The following PTPN20 variants were observed in gnomAD, a reference collection of about 807,000 sequenced individuals.
PTPN20 encodes the protein protein tyrosine phosphatase non-receptor type 20, also known as tyrosine-protein phosphatase non-receptor type 20.
PTPN20 carries 9 observed loss-of-function variants against 35.0 expected under a neutral mutation model. The observed-to-expected ratio is 0.26, with a 90% CI of 0.15 to 0.45. The LOEUF (loss-of-function observed/expected upper bound fraction) is 0.45, where lower values mean the gene tolerates loss of function less well. Among genes scored for constraint, PTPN20 ranks in the 20% least tolerant of loss-of-function variants. The probability of loss-of-function intolerance (pLI) is 1.00; values close to 1 mark genes in which losing one functional copy is unlikely to be tolerated. For missense variants in PTPN20, 111 were observed against 312.5 expected, an observed-to-expected ratio of 0.36 and a Z score of 4.86; for synonymous variants, 32 against 100.2, an observed-to-expected ratio of 0.32 and a Z score of 4.06.
At chr10:46,958,684 TC>T (rs1375245922) in intron 5 of PTPN20, among the ~76,000 whole-genome samples, 11,420 of 119,676 alleles carry the variant, frequency 0.095, 162 homozygotes, top group African/African-American at 0.24. Context: ...GCTATAAATT[TC>T]CCCCTTAACC....
intron 1 of PTPN20, among the ~76,000 whole-genome samples, chr10:46,928,308 T>G (rs1192362229): frequency 2.0e-5 from 3 of 152,036 alleles, no homozygotes; most frequent in African/African-American, 7.3e-5. Flanking sequence ...TAAACTTGCA[T>G]TAATAACTTG....
intron 9 of PTPN20, among the ~76,000 whole-genome samples, chr10:46,996,013 G>T (rs1424707247): frequency 6.6e-6 from 1 of 152,042 alleles, no homozygotes; most frequent in African/African-American, 2.4e-5. Flanking sequence ...AAGCCAGCTT[G>T]CTTCTACACT....
intron 5 of PTPN20, among the ~76,000 whole-genome samples, chr10:46,953,104 AT>A (rs1220464857): frequency 1.4e-5 from 2 of 143,238 alleles, no homozygotes; most frequent in African/African-American, 5.7e-5. Context: ...TTTTGGTGCT[AT>A]TGTAAATGAG....
intron 10 of PTPN20, among the ~76,000 whole-genome samples, chr10:47,000,267 A>G (rs2059880294): frequency 6.6e-6 from 1 of 152,196 alleles, no homozygotes; most frequent in Non-Finnish European, 1.5e-5. Context: ...GTGCTATTTA[A>G]GTAACATCTA....
intron 1 of PTPN20, among the ~76,000 whole-genome samples, chr10:46,923,317 G>C (rs2036004350): frequency 6.9e-6 from 1 of 145,752 alleles, no homozygotes; most frequent in Non-Finnish European, 1.5e-5. Context: ...CCAGTTTGTG[G>C]TACCATGTTA....
At position 47,000,758 on chromosome 10, in the gene PTPN20, C is replaced by T. The variant is rs2059951336; in HGVS notation, c.*17C>T. 3.1e-6 allele frequency: 5 copies of T among 1,613,416 alleles called. No homozygotes were observed. Among genetic ancestry groups the T allele is most frequent in the Non-Finnish European group, 4.2e-6 (5 of 1,179,482 alleles). Reference sequence around the variant, plus strand: ...TTGGATTAAGAAAGACTTCTGTTGCCTCTCACTTGAAATTACCAAGTGGGT... The same window carrying T: ...TTGGATTAAGAAAGACTTCTGTTGCTTCTCACTTGAAATTACCAAGTGGGT... On this transcript the variant is annotated 3_prime_UTR_variant, in exon 11 of 11. Transcript: ENST00000374339.
chr10:46,998,224 C>T lies in PTPN20; in HGVS notation c.1135-1688C>T, dbSNP rs987972200. On this transcript the variant is annotated intron_variant, in intron 9 of 10. Transcript: ENST00000374339. ...ACAGTAGCCAAAAACCAGAACAACC[C>T]AGATGTCCTTCAACAAATTGATGGT... is the stretch of plus-strand genomic sequence containing the variant. Among the ~76,000 whole-genome samples, 97 of 152,206 alleles carry T rather than the reference C, an allele frequency of 6.4e-4. 1 individual carries two copies. The highest frequency in any genetic ancestry group is 3.4e-3 in the Middle Eastern group (1 of 294).
At chr10:46,932,094 T>TTA in intron 1 of PTPN20, among the ~76,000 whole-genome samples, 1 of 143,168 alleles carries the variant, frequency 7.0e-6, no homozygotes, top group Non-Finnish European at 1.5e-5. Flanking sequence ...GTGTGTGTGT[T>TTA]TATATAAAGA....
chr10:46,993,949 T>G (rs1345453234), intron 9 of PTPN20, among the ~76,000 whole-genome samples: 2 of 152,200 alleles, frequency 1.3e-5, no homozygotes, highest in Non-Finnish European at 2.9e-5. Context: ...TTTATTTTCC[T>G]TCTGAAGAAC....
intron 7 of PTPN20, among the ~76,000 whole-genome samples, chr10:46,975,897 G>A (rs1201217283): frequency 2.0e-5 from 3 of 151,364 alleles, no homozygotes; most frequent in East Asian, 3.9e-4. Flanking sequence ...CTGACCTCAG[G>A]TGATCCACCC....
chr10:46,932,062 T>TTGTGTGTGTG (rs71023200), intron 1 of PTPN20, among the ~76,000 whole-genome samples: 7 of 133,712 alleles, frequency 5.2e-5, no homozygotes, highest in African/African-American at 1.9e-4. Context: ...TTGATTGAAT[T>TTGTGTGTGTG]TGTGTGTGTG....
rs2059801377 is a variant in PTPN20, at chr10:46,999,897, G to C, written c.1135-15G>C. 2 of 1,613,364 alleles carry C rather than the reference G, an allele frequency of 1.2e-6. No individual in the cohort carries two copies. Among genetic ancestry groups the C allele is most frequent in the South Asian group, 2.2e-5 (2 of 91,024 alleles). On this transcript the variant is annotated splice_polypyrimidine_tract_variant and intron_variant, in intron 9 of 10. Transcript: ENST00000374339. ...CCCATGTGGATCATACAAAATTACT[G>C]TCATCTTATTACAGTTCAACATCAT...
At chr10:46,937,669 T>G (rs2042089571) in intron 2 of PTPN20, among the ~76,000 whole-genome samples, 1 of 151,778 alleles carries the variant, frequency 6.6e-6, no homozygotes, top group Non-Finnish European at 1.5e-5. Context: ...CAGTAGGTCT[T>G]ATTTTTACAT....
intron 9 of PTPN20, among the ~76,000 whole-genome samples, chr10:46,988,375 C>G (rs2137019496): frequency 7.0e-6 from 1 of 142,832 alleles, no homozygotes; most frequent in East Asian, 2.6e-4. Context: ...TTTGTCATTT[C>G]TTTGTGTTGT....
Position 47,000,990 on chromosome 10 carries a change from T to C in PTPN20, c.*249T>C. 3 of 560,936 alleles carry C rather than the reference T, an allele frequency of 5.3e-6. No individual in the cohort carries two copies. Among genetic ancestry groups the C allele is most frequent in the Non-Finnish European group, 9.7e-6 (3 of 309,722 alleles). The allele number at this position is 560,936 out of a possible 1,614,324, so 34.7% of individuals were successfully genotyped here. ...CCACATTTTCCAGTGAAACAGATGT[T>C]ACATAAAACGATTGCAGCTTGGCTA... On this transcript the variant is annotated 3_prime_UTR_variant, in exon 11 of 11. Coordinates refer to ENST00000374339, the MANE Select transcript of PTPN20 (RefSeq NM_001042357.5).
At chr10:46,997,998 G>A (rs1043399106) in intron 9 of PTPN20, among the ~76,000 whole-genome samples, 7 of 152,188 alleles carry the variant, frequency 4.6e-5, no homozygotes, top group Non-Finnish European at 2.9e-5. Context: ...TTACCCATAT[G>A]TATGAGACAT....
chr10:46,977,311 T>G (rs1276167713), intron 7 of PTPN20, among the ~76,000 whole-genome samples: 2 of 152,290 alleles, frequency 1.3e-5, no homozygotes, highest in African/African-American at 4.8e-5. Flanking sequence ...AGTCAGTTCT[T>G]TAAAATAAAT....
intron 4 of PTPN20, among the ~76,000 whole-genome samples, chr10:46,945,531 C>G (rs2044485182): frequency 6.6e-6 from 1 of 152,172 alleles, no homozygotes; most frequent in Non-Finnish European, 1.5e-5. Context: ...AGACAGAGGC[C>G]ACCTGGCCAA....
At chr10:46,937,481 G>A (rs2042026255) in intron 2 of PTPN20, among the ~76,000 whole-genome samples, 1 of 151,926 alleles carries the variant, frequency 6.6e-6, no homozygotes, top group Admixed American at 6.6e-5. Context: ...CCAGTTACAG[G>A]AATTTTAGTT....
Sources: gnomAD v4.1 joint callset for allele counts (sites outside exome capture counted in the v4.1 genomes callset) on GRCh38, gnomAD v4.1.1 for gene constraint, MANE v1.5 for transcripts, NCBI Gene and HGNC (gene_info 2026-07-23, HGNC 2026-07-21) for gene names.